The following TLE4 variants were observed in gnomAD, a reference collection of about 807,000 sequenced individuals.
TLE4 encodes TLE family member 4, transcriptional corepressor, also known as transducin-like enhancer protein 4.
Under a neutral mutation model 92.8 loss-of-function variants are expected in TLE4, and 8 were observed. The observed-to-expected ratio is 0.09, with a 90% confidence interval of 0.05 to 0.16. The LOEUF is 0.16. Ranked by LOEUF, TLE4 falls within the 10% of genes least tolerant of loss-of-function variation. The pLI is 1.00. For missense variants in TLE4, 675 were observed against 997.6 expected, an observed-to-expected ratio of 0.68 and a Z score of 4.36; for synonymous variants, 371 against 374.1, an observed-to-expected ratio of 0.99 and a Z score of 0.10.
chr9:79,649,653 C>A, intron 6 of TLE4: 1 of 364,686 alleles, frequency 2.7e-6, no homozygotes. Flanking sequence ...GATTAGCATA[C>A]AAGAGGAAGA....
At chr9:79,639,610 A>G (rs1655457941) in intron 6 of TLE4, among the ~76,000 whole-genome samples, 1 of 152,140 alleles carries the variant, frequency 6.6e-6, no homozygotes, top group African/African-American at 2.4e-5. Context: ...TGCTTTATAT[A>G]GGTGTACCAT....
chr9:79,606,881 G>A (rs1564337490), intron 4 of TLE4, among the ~76,000 whole-genome samples: 1 of 151,986 alleles, frequency 6.6e-6, no homozygotes, highest in Non-Finnish European at 1.5e-5. Flanking sequence ...TAATCCTTTG[G>A]GTATATACCC....
chr9:79,707,153 C>T (rs778654055), intron 11 of TLE4: 37 of 1,612,822 alleles, frequency 2.3e-5, no homozygotes, highest in Non-Finnish European at 3.1e-5. Flanking sequence ...GAGTGAAACA[C>T]GTCTTAGCGA....
Position 79,673,075 on chromosome 9 carries a change from C to T in TLE4, c.609+19000C>T, listed in dbSNP as rs1386437117. Reference sequence around the variant, plus strand: ...ATGCCAGCAACCAGTGAAAAGGGCACGGTTTTAGAAACCCTGCTATAAATT... The same window carrying T: ...ATGCCAGCAACCAGTGAAAAGGGCATGGTTTTAGAAACCCTGCTATAAATT... On this transcript the variant is annotated intron_variant, in intron 8 of 19. Transcript: ENST00000376552. 3.9e-5 allele frequency among the ~76,000 whole-genome samples: 6 copies of T among 152,274 alleles called. No individual in the cohort carries two copies. In the East Asian group the frequency reaches 5.8e-4, roughly 15 times the overall value.
At chr9:79,580,803 G>A (rs1238833006) in intron 4 of TLE4, among the ~76,000 whole-genome samples, 1 of 151,870 alleles carries the variant, frequency 6.6e-6, no homozygotes, top group Non-Finnish European at 1.5e-5. Flanking sequence ...CTAGCTGAAA[G>A]TAACTAATAA....
At chr9:79,706,667 G>A (rs1172861424) in intron 10 of TLE4, 80 bp from the exon 11 acceptor site, 5 of 1,511,402 alleles carry the variant, frequency 3.3e-6, no homozygotes, top group Non-Finnish European at 4.4e-6. Context: ...AATGCTTTTG[G>A]CTAGAAATGT....
At chr9:79,631,277 T>C (rs2054124235) in intron 6 of TLE4, among the ~76,000 whole-genome samples, 2 of 152,222 alleles carry the variant, frequency 1.3e-5, no homozygotes, top group African/African-American at 2.4e-5. Flanking sequence ...ATTAAAATGT[T>C]CATGCTTGAA....
At chr9:79,600,206 A>G (rs1165909693) in intron 4 of TLE4, among the ~76,000 whole-genome samples, 1 of 152,248 alleles carries the variant, frequency 6.6e-6, no homozygotes, top group Non-Finnish European at 1.5e-5. Context: ...CTAGGAATAT[A>G]GGAACACAAT....
chr9:79,682,618 G>A (rs893794326), intron 8 of TLE4, among the ~76,000 whole-genome samples: 10 of 152,152 alleles, frequency 6.6e-5, no homozygotes, highest in African/African-American at 2.4e-4. Flanking sequence ...AAACCAGTCA[G>A]CCAGCAATTT....
At chr9:79,655,341 A>C (rs914345866) in intron 8 of TLE4, among the ~76,000 whole-genome samples, 1 of 152,212 alleles carries the variant, frequency 6.6e-6, no homozygotes, top group Non-Finnish European at 1.5e-5. Context: ...TATATCTTGC[A>C]GTTTTTAATG....
intron 8 of TLE4, among the ~76,000 whole-genome samples, chr9:79,697,058 A>T (rs1440603505): frequency 6.6e-6 from 1 of 152,190 alleles, no homozygotes; most frequent in African/African-American, 2.4e-5. Context: ...ACTGAAAAAA[A>T]TAATTCCAGA....
chr9:79,624,783 T>A (rs1288843629), intron 5 of TLE4, among the ~76,000 whole-genome samples: 2 of 152,216 alleles, frequency 1.3e-5, no homozygotes, highest in Non-Finnish European at 2.9e-5. Context: ...CATGCTAGAA[T>A]GGCACTAAGT....
In TLE4 at chr9:79,706,910, C is replaced by A. The variant is rs772581514; in HGVS notation, c.936+11C>A. On this transcript the variant is annotated intron_variant, in intron 11 of 19. Coordinates refer to ENST00000376552, the MANE Select transcript of TLE4 (RefSeq NM_007005.6). Reference sequence around the variant, plus strand: ...AAAGAACTTAGCCTTGTAAGCAGCTCCTTACCATCTCTCTGAGTGTGGCCT... The same window carrying A: ...AAAGAACTTAGCCTTGTAAGCAGCTACTTACCATCTCTCTGAGTGTGGCCT... 14 of 1,613,016 alleles carry A rather than the reference C, an allele frequency of 8.7e-6. No homozygotes were observed. In the South Asian group the frequency reaches 9.9e-5, roughly 11 times the overall value.
At chr9:79,666,187 GTGT>G in intron 8 of TLE4, among the ~76,000 whole-genome samples, 1 of 147,578 alleles carries the variant, frequency 6.8e-6, no homozygotes, top group Non-Finnish European at 1.5e-5. Flanking sequence ...GTGTGTGTGT[GTGT>G]GTGTGTGGGT....
intron 5 of TLE4, among the ~76,000 whole-genome samples, chr9:79,617,964 G>C (rs1363921912): frequency 6.6e-6 from 1 of 152,152 alleles, no homozygotes; most frequent in Admixed American, 6.5e-5. Flanking sequence ...CATCATCCTT[G>C]CACCATTGTG....
chr9:79,666,167 G>C (rs1184282869), intron 8 of TLE4, among the ~76,000 whole-genome samples: 1 of 94,228 alleles, frequency 1.1e-5, no homozygotes, highest in Non-Finnish European at 2.1e-5. Context: ...CTTCATCTGT[G>C]TGTGTGTGTG....
intron 8 of TLE4, among the ~76,000 whole-genome samples, chr9:79,665,105 GTA>G (rs2061180677): frequency 6.6e-6 from 1 of 152,292 alleles, no homozygotes; most frequent in South Asian, 2.1e-4. Flanking sequence ...TGTCAATTCT[GTA>G]TATGTTTTCC....
chr9:79,709,231 T>G (rs1418824488), intron 13 of TLE4, among the ~76,000 whole-genome samples: 1 of 152,204 alleles, frequency 6.6e-6, no homozygotes, highest in Non-Finnish European at 1.5e-5. Flanking sequence ...GAGGTCCATT[T>G]TCTTTTGTAA....
At chr9:79,666,330 C>T (rs34702497) in intron 8 of TLE4, among the ~76,000 whole-genome samples, 1,986 of 149,680 alleles carry the variant, frequency 0.013, 29 homozygotes, top group Non-Finnish European at 0.023. Flanking sequence ...TGGGTTCAAA[C>T]GATTCTCCTG....
Sources: gnomAD v4.1 joint callset for allele counts (sites outside exome capture counted in the v4.1 genomes callset) on GRCh38, gnomAD v4.1.1 for gene constraint, MANE v1.5 for transcripts, NCBI Gene and HGNC (gene_info 2026-07-23, HGNC 2026-07-21) for gene names.